The following CDYL variants were observed in gnomAD, a reference collection of about 807,000 sequenced individuals.
CDYL encodes chromodomain Y like.
A neutral mutation model predicts 47.3 loss-of-function variants in CDYL; 8 were observed. That is an observed-to-expected ratio of 0.17 (90% CI 0.10 to 0.31). The LOEUF is 0.31. Among genes scored for constraint, CDYL ranks in the 10% least tolerant of loss-of-function variants. The pLI is 1.00. For synonymous variants in CDYL, 266 were observed against 265.0 expected (o/e 1.00, Z -0.04); for missense variants, 471 against 701.4 (o/e 0.67, Z 3.71).
At chr6:4,758,968 CTTT>C (rs753662724) in intron 3 of CDYL, among the ~76,000 whole-genome samples, 2 of 131,916 alleles carry the variant, frequency 1.5e-5, no homozygotes. Flanking sequence ...TTTTCTTTTT[CTTT>C]TTTTTTTTTT....
intron 6 of CDYL, 130 bp from the exon 7 acceptor site, chr6:4,953,768 A>T (rs1477596579): frequency 1.2e-6 from 1 of 835,770 alleles, no homozygotes; most frequent in African/African-American, 1.7e-5. Flanking sequence ...ATATTGTGAG[A>T]AAATGTCTGG....
At chr6:4,894,985 ATG>A (rs1762172875) in intron 2 of CDYL, among the ~76,000 whole-genome samples, 1 of 151,676 alleles carries the variant, frequency 6.6e-6, no homozygotes, top group Non-Finnish European at 1.5e-5. Flanking sequence ...GTGTATGCAT[ATG>A]TGTATACTTG....
At chr6:4,919,995 C>T (rs1302444064) in intron 2 of CDYL, among the ~76,000 whole-genome samples, 2 of 152,064 alleles carry the variant, frequency 1.3e-5, no homozygotes, top group African/African-American at 4.8e-5. Context: ...GTGGCCTATC[C>T]GCAGAATGGA....
chr6:4,802,231 A>G (rs983013827), intron 1 of CDYL, among the ~76,000 whole-genome samples: 3 of 144,904 alleles, frequency 2.1e-5, no homozygotes, highest in Admixed American at 6.7e-5. Flanking sequence ...CTACCTTTAG[A>G]TCATTGAAAA....
chr6:4,868,593 G>T (rs1761387585), intron 1 of CDYL, among the ~76,000 whole-genome samples: 1 of 152,072 alleles, frequency 6.6e-6, no homozygotes, highest in Admixed American at 6.6e-5. Context: ...TGTAGTAAAT[G>T]TTCTGAGTGC....
chr6:4,790,492 C>T (rs1197913863), intron 1 of CDYL, among the ~76,000 whole-genome samples: 2 of 152,172 alleles, frequency 1.3e-5, no homozygotes, highest in East Asian at 1.9e-4. Context: ...ATTTCTGAAG[C>T]GCTTTTGGAA....
rs1759787922 is a variant in CDYL, at chr6:4,819,970, G to A, written c.24+43163G>A. On this transcript the variant is annotated intron_variant, in intron 1 of 6. Coordinates refer to ENST00000397588, the MANE Select transcript of CDYL (RefSeq NM_004824.4). ...GTGGTGGAGTGGAAGGTCTGGTGGT[G>A]ACTTCAGCAGGACAAGAGTTGTTAA... Among the ~76,000 whole-genome samples, 2 of 152,184 alleles carry A rather than the reference G, an allele frequency of 1.3e-5. 1 individual carries two copies. Among genetic ancestry groups the A allele is most frequent in the South Asian group, 4.1e-4 (2 of 4,826 alleles).
chr6:4,747,989 C>T (rs183450581), intron 3 of CDYL, among the ~76,000 whole-genome samples: 4 of 152,296 alleles, frequency 2.6e-5, no homozygotes, highest in Admixed American at 2.6e-4. Flanking sequence ...TAACACAATG[C>T]TGCTGTAGAT....
chr6:4,898,053 G>T (rs1045367645), intron 2 of CDYL, among the ~76,000 whole-genome samples: 1 of 151,470 alleles, frequency 6.6e-6, no homozygotes, highest in East Asian at 1.9e-4. Context: ...GCAAGACTGC[G>T]TCTCCACCAA....
chr6:4,832,616 T>A (rs1247683769), intron 1 of CDYL, among the ~76,000 whole-genome samples: 3 of 151,512 alleles, frequency 2.0e-5, no homozygotes, highest in Non-Finnish European at 4.4e-5. Context: ...GGATTCCCTC[T>A]TTTTCTACTG....
rs138436846 is a variant in CDYL at position 4,870,169 on chromosome 6, A to G, written c.25-21544A>G. On this transcript the variant is annotated intron_variant, in intron 1 of 6. Coordinates refer to ENST00000397588, the MANE Select transcript of CDYL (RefSeq NM_004824.4). The stretch of plus-strand genomic sequence containing the variant: ...AACTTCAAACTCATAGGTTCAAGCA[A>G]TCCTCCTACCTCAGCTTCCCAAGTA... Among the ~76,000 whole-genome samples, 1,271 of 152,298 alleles carry G rather than the reference A, an allele frequency of 8.3e-3. 50 individuals carry two copies. Among genetic ancestry groups the G allele is most frequent in the Admixed American group, 0.064 (984 of 15,302 alleles).
chr6:4,736,699 C>T (rs1757710222), intron 3 of CDYL, among the ~76,000 whole-genome samples: 1 of 150,494 alleles, frequency 6.6e-6, no homozygotes, highest in Non-Finnish European at 1.5e-5. Flanking sequence ...AGCAACTTAG[C>T]TTTTTTTTTC....
At chr6:4,727,297 T>C (rs1333547249) in intron 2 of CDYL, among the ~76,000 whole-genome samples, 1 of 152,132 alleles carries the variant, frequency 6.6e-6, no homozygotes, top group African/African-American at 2.4e-5. Flanking sequence ...AAAAGTGTCA[T>C]ACATTCAGGT....
intron 2 of CDYL, among the ~76,000 whole-genome samples, chr6:4,905,720 T>A (rs1206646589): frequency 6.6e-6 from 1 of 152,220 alleles, no homozygotes. Context: ...TTATGTCAAG[T>A]CTTTGCCTCC....
At chr6:4,757,496 A>G (rs1240893149) in intron 3 of CDYL, among the ~76,000 whole-genome samples, 1 of 152,316 alleles carries the variant, frequency 6.6e-6, no homozygotes, top group Middle Eastern at 3.4e-3. Context: ...CTTGGAAACC[A>G]TAATCTAGCC....
intron 2 of CDYL, among the ~76,000 whole-genome samples, chr6:4,722,919 G>A (rs1226464081): frequency 6.6e-6 from 1 of 152,058 alleles, no homozygotes; most frequent in African/African-American, 2.4e-5. Flanking sequence ...ACACCCCACA[G>A]ACCAAACTGA....
intron 2 of CDYL, among the ~76,000 whole-genome samples, chr6:4,924,802 C>G (rs1214854420): frequency 6.6e-6 from 1 of 152,174 alleles, no homozygotes; most frequent in Admixed American, 6.5e-5. Context: ...ACTGCAAAAT[C>G]ATGCAATAAA....
chr6:4,910,287 G>A (rs574398724), intron 2 of CDYL, among the ~76,000 whole-genome samples: 90 of 152,246 alleles, frequency 5.9e-4, no homozygotes, highest in Middle Eastern at 6.8e-3. Flanking sequence ...CACTTGCTCA[G>A]GTTTGTTAAA....
intron 1 of CDYL, among the ~76,000 whole-genome samples, chr6:4,813,841 A>G (rs1011655742): frequency 6.6e-6 from 1 of 150,720 alleles, no homozygotes; most frequent in Non-Finnish European, 1.5e-5. Flanking sequence ...TGGTGCGATT[A>G]TGGCTCACTG....
Sources: gnomAD v4.1 joint callset for allele counts (sites outside exome capture counted in the v4.1 genomes callset) on GRCh38, gnomAD v4.1.1 for gene constraint, MANE v1.5 for transcripts, NCBI Gene and HGNC (gene_info 2026-07-23, HGNC 2026-07-21) for gene names.